Variants in LRRTM4 observed in about 807,000 individuals in gnomAD.
The protein encoded by LRRTM4 is leucine rich repeat transmembrane neuronal 4.
A neutral mutation model predicts 47.6 loss-of-function variants in LRRTM4; 25 were observed. That is an observed-to-expected ratio of 0.53 (90% CI 0.38 to 0.73). The LOEUF (loss-of-function observed/expected upper bound fraction) is 0.73, where lower values mean the gene tolerates loss of function less well. Among genes scored for constraint, LRRTM4 ranks in the 30% least tolerant of loss-of-function variants. The pLI, the probability that LRRTM4 is intolerant of heterozygous loss-of-function variation, is 0.00. For missense variants in LRRTM4, 638 were observed against 713.4 expected, an observed-to-expected ratio of 0.89 and a Z score of 1.20; for synonymous variants, 311 against 269.5, an observed-to-expected ratio of 1.15 and a Z score of -1.51.
chr2:77,166,977 G>A (rs191671153), intron 3 of LRRTM4, among the ~76,000 whole-genome samples: 46 of 152,182 alleles, frequency 3.0e-4, no homozygotes, highest in Non-Finnish European at 5.3e-4. Flanking sequence ...AAACTAAAGA[G>A]CTTCTACACA....
chr2:76,900,561 A>G (rs1007390828), intron 3 of LRRTM4, among the ~76,000 whole-genome samples: 23 of 152,178 alleles, frequency 1.5e-4, no homozygotes, highest in Non-Finnish European at 8.8e-5. Flanking sequence ...GGCTTTCTAT[A>G]AAGATTTCTT....
chr2:77,482,453 C>CACACAT (rs60848092), intron 3 of LRRTM4, among the ~76,000 whole-genome samples: 89,863 of 151,582 alleles, frequency 0.59, 26,663 homozygotes, highest in South Asian at 0.68. Flanking sequence ...CACACACACA[C>CACACAT]ACACACAGAG....
At chr2:77,005,938 A>G (rs1231845624) in intron 3 of LRRTM4, among the ~76,000 whole-genome samples, 2 of 152,164 alleles carry the variant, frequency 1.3e-5, no homozygotes, top group South Asian at 2.1e-4. Flanking sequence ...TCCTTATTTT[A>G]CATACAGAGA....
chr2:77,150,576 T>C (rs1385602444), intron 3 of LRRTM4, among the ~76,000 whole-genome samples: 1 of 152,168 alleles, frequency 6.6e-6, no homozygotes, highest in Non-Finnish European at 1.5e-5. Flanking sequence ...TACTACATTT[T>C]GCATTTACTA....
chr2:77,440,855 T>C (rs1483235368), intron 3 of LRRTM4, among the ~76,000 whole-genome samples: 1 of 152,238 alleles, frequency 6.6e-6, no homozygotes, highest in Non-Finnish European at 1.5e-5. Context: ...AAATTTGATT[T>C]TGCAGGAATG....
At chr2:77,364,387 A>G (rs1361152872) in intron 3 of LRRTM4, among the ~76,000 whole-genome samples, 1 of 152,114 alleles carries the variant, frequency 6.6e-6, no homozygotes. Context: ...AACTACAGGA[A>G]ATTGTGGACT....
At chr2:77,406,496 C>T (rs1674191856) in intron 3 of LRRTM4, among the ~76,000 whole-genome samples, 1 of 151,962 alleles carries the variant, frequency 6.6e-6, no homozygotes, top group Non-Finnish European at 1.5e-5. Context: ...GAGACAAGGT[C>T]TCACTATGTT....
chr2:76,803,336 A>G (rs1675802659), intron 3 of LRRTM4, among the ~76,000 whole-genome samples: 1 of 152,168 alleles, frequency 6.6e-6, no homozygotes, highest in Non-Finnish European at 1.5e-5. Context: ...GCCAATTAAT[A>G]TATGCAAAAA....
At chr2:76,895,304 T>C (rs190085025) in intron 3 of LRRTM4, among the ~76,000 whole-genome samples, 8 of 152,238 alleles carry the variant, frequency 5.3e-5, no homozygotes, top group Admixed American at 5.2e-4. Flanking sequence ...TCTTTACTAG[T>C]GAGTGTACTC....
chr2:77,454,844 C>A (rs1336465305), intron 3 of LRRTM4, among the ~76,000 whole-genome samples: 1 of 152,030 alleles, frequency 6.6e-6, no homozygotes, highest in African/African-American at 2.4e-5. Context: ...GAGTTTTCTT[C>A]TTTCTTTGTA....
In LRRTM4 at chr2:76,867,632, T is replaced by A. The variant is rs145658349; in HGVS notation, c.1552-118716A>T. Among the ~76,000 whole-genome samples the A allele has an allele frequency of 1.8e-3, 272 of 152,298 alleles. 4 individuals carry two copies. Among genetic ancestry groups the A allele is most frequent in the African/African-American group, 5.8e-3 (239 of 41,564 alleles). On this transcript the variant is annotated intron_variant, in intron 3 of 3. Transcript: ENST00000409884. ...TAATGTGGAACTGATGCTACAGTGATCCTAAATCCAATAGCAATATACTCC... is the reference window on the plus strand; with the variant it reads ...TAATGTGGAACTGATGCTACAGTGAACCTAAATCCAATAGCAATATACTCC...
intron 3 of LRRTM4, among the ~76,000 whole-genome samples, chr2:76,889,299 T>A (rs1469620179): frequency 1.3e-5 from 2 of 151,946 alleles, no homozygotes; most frequent in Non-Finnish European, 2.9e-5. Context: ...GAGGCAGCTT[T>A]GATTGAGAAG....
intron 3 of LRRTM4, among the ~76,000 whole-genome samples, chr2:77,030,677 C>T (rs1037224789): frequency 6.6e-5 from 10 of 152,052 alleles, no homozygotes; most frequent in Admixed American, 1.3e-4. Context: ...CAATTTAATT[C>T]TTTATGAAAA....
chr2:76,797,729 T>A (rs940930623), intron 3 of LRRTM4, among the ~76,000 whole-genome samples: 32 of 151,296 alleles, frequency 2.1e-4, no homozygotes, highest in African/African-American at 7.8e-4. Context: ...CCATCTCACG[T>A]GCAGAGACAC....
At position 77,432,509 on chromosome 2, in the gene LRRTM4, T is replaced by C. The variant is rs192973422; in HGVS notation, c.1551+85809A>G. ...TAAACTTTAGAAAAACAGGTTTATCTCATTCATTCAATTTAGAGAAAATGT... is the reference window on the plus strand; with the variant it reads ...TAAACTTTAGAAAAACAGGTTTATCCCATTCATTCAATTTAGAGAAAATGT... On this transcript the variant is annotated intron_variant, in intron 3 of 3. Coordinates refer to ENST00000409884, the MANE Select transcript of LRRTM4 (RefSeq NM_001134745.3). Among the ~76,000 whole-genome samples the C allele has an allele frequency of 1.4e-4, 21 of 152,358 alleles. No individual in the cohort carries two copies. In the East Asian group the frequency reaches 3.7e-3, roughly 27 times the overall value.
At chr2:77,252,864 T>A (rs992664959) in intron 3 of LRRTM4, among the ~76,000 whole-genome samples, 1 of 152,180 alleles carries the variant, frequency 6.6e-6, no homozygotes, top group Non-Finnish European at 1.5e-5. Context: ...TTCAAGGTCT[T>A]GGAAAGATTG....
chr2:76,752,411 A>G (rs1432052879), intron 3 of LRRTM4, among the ~76,000 whole-genome samples: 2 of 152,168 alleles, frequency 1.3e-5, no homozygotes, highest in African/African-American at 2.4e-5. Flanking sequence ...TGAACTGAGA[A>G]AATTTGTTTT....
chr2:76,940,266 G>A (rs1018411828), intron 3 of LRRTM4, among the ~76,000 whole-genome samples: 1 of 152,092 alleles, frequency 6.6e-6, no homozygotes, highest in African/African-American at 2.4e-5. Context: ...TAGGATGGAT[G>A]AAGAAAATGT....
intron 3 of LRRTM4, among the ~76,000 whole-genome samples, chr2:77,307,569 T>C (rs1362388306): frequency 2.3e-5 from 3 of 131,462 alleles, no homozygotes; most frequent in African/African-American, 8.5e-5. Context: ...TATAAATATA[T>C]AGATATATCT....
Sources: gnomAD v4.1 joint callset for allele counts (sites outside exome capture counted in the v4.1 genomes callset) on GRCh38, gnomAD v4.1.1 for gene constraint, MANE v1.5 for transcripts, NCBI Gene and HGNC (gene_info 2026-07-23, HGNC 2026-07-21) for gene names.